Variants in PAM observed in about 807,000 individuals in gnomAD.
PAM encodes the protein peptidyl-glycine alpha-amidating monooxygenase.
In PAM, 72 loss-of-function variants were observed where a neutral mutation model predicts 122.1. The observed-to-expected ratio is 0.59, with a 90% CI of 0.49 to 0.72. PAM has a LOEUF of 0.72. Ranked by LOEUF, PAM falls within the 30% of genes least tolerant of loss-of-function variation. PAM has a pLI of 0.00. For synonymous variants in PAM, 389 were observed against 404.4 expected (o/e 0.96, Z 0.46); for missense variants, 1,106 against 1,183.7 (o/e 0.93, Z 0.96).
At chr5:102,953,881 C>T (rs1041958293) in intron 12 of PAM, among the ~76,000 whole-genome samples, 21 of 151,928 alleles carry the variant, frequency 1.4e-4, no homozygotes, top group African/African-American at 4.8e-4. Flanking sequence ...GGCATGATGG[C>T]GGATGCCCAT....
At chr5:102,830,206 G>A (rs1177350284) in intron 1 of PAM, among the ~76,000 whole-genome samples, 1 of 152,144 alleles carries the variant, frequency 6.6e-6, no homozygotes, top group Non-Finnish European at 1.5e-5. Flanking sequence ...ATTTATATCT[G>A]TACCTGCATT....
chr5:103,028,738 C>A (rs111487496), intron 25 of PAM, 149 bp from the exon 26 acceptor site: 1 of 588,126 alleles, frequency 1.7e-6, no homozygotes, highest in Non-Finnish European at 3.0e-6. Flanking sequence ...CTGTAGGATA[C>A]GTCTCTGTCT....
rs79989892 is a variant in PAM, at chr5:103,025,006, A to C, written c.2486-125A>C. ...GTAGATTCAGGTATTAAAACATGAA[A>C]CCCCTGTACACTGGAGTCAACAAGT... On this transcript the variant is annotated intron_variant, in intron 23 of 25. Coordinates refer to ENST00000438793, the MANE Select transcript of PAM (RefSeq NM_001177306.2). The C allele has an allele frequency of 3.7e-3, 2,368 of 633,602 alleles. 34 individuals carry two copies. In the African/African-American group the frequency reaches 0.037, roughly 10 times the overall value. 39.2% of individuals were successfully genotyped at this position (633,602 alleles called of 1,614,324 possible). A position where few individuals can be genotyped will look rare whatever the true frequency, so the allele number is the denominator to read the frequency against.
chr5:102,880,922 A>C (rs1163221613), intron 3 of PAM, among the ~76,000 whole-genome samples: 2 of 152,090 alleles, frequency 1.3e-5, no homozygotes, highest in Admixed American at 1.3e-4. Context: ...TTAAATGCCA[A>C]AAATTATGCA....
intron 1 of PAM, among the ~76,000 whole-genome samples, chr5:102,806,023 G>A (rs890416127): frequency 2.0e-5 from 3 of 151,826 alleles, no homozygotes; most frequent in East Asian, 3.9e-4. Context: ...TCTTATTTTC[G>A]GATGTGCTCT....
intron 6 of PAM, among the ~76,000 whole-genome samples, chr5:102,926,187 C>T (rs1314430457): frequency 2.0e-5 from 3 of 152,134 alleles, no homozygotes; most frequent in South Asian, 2.1e-4. Flanking sequence ...CTCCGCTTCC[C>T]GGGTTCACGC....
intron 1 of PAM, among the ~76,000 whole-genome samples, chr5:102,856,984 T>C (rs1453956118): frequency 6.6e-6 from 1 of 152,128 alleles, no homozygotes; most frequent in African/African-American, 2.4e-5. Flanking sequence ...AGCAACTTGG[T>C]ACACCTAAGT....
intron 1 of PAM, chr5:102,838,651 A>G (rs1580773441): frequency 6.6e-6 from 1 of 152,268 alleles, no homozygotes; most frequent in East Asian, 1.9e-4. Flanking sequence ...CTGTGAGTTC[A>G]GAGGGAATAG....
intron 15 of PAM, among the ~76,000 whole-genome samples, chr5:102,977,397 A>AACAAGAC (rs1355346766): frequency 1.3e-5 from 2 of 152,172 alleles, no homozygotes; most frequent in African/African-American, 4.8e-5. Context: ...CGTTCCCCAG[A>AACAAGAC]ACAAGACGGT....
intron 3 of PAM, among the ~76,000 whole-genome samples, chr5:102,896,494 C>G (rs1581445289): frequency 6.6e-6 from 1 of 151,592 alleles, no homozygotes. Context: ...TTCTAGAGCT[C>G]CCAGTATGTG....
chr5:102,934,678 AAGGTATTCAACTGAATAAAT>A (rs577116952), intron 7 of PAM, among the ~76,000 whole-genome samples: 8 of 152,270 alleles, frequency 5.3e-5, no homozygotes, highest in Non-Finnish European at 7.4e-5. Context: ...ATATTTTTGA[AAGGTATTCAACTGAATAAAT>A]CATGTACTCT....
rs577377022 is a variant in PAM at position 102,906,291 on chromosome 5, T to C, written c.268+4878T>C. On this transcript the variant is annotated intron_variant, in intron 4 of 25. Transcript: ENST00000438793. ...TTCATTCCCCCAACCTACCACCTCC[T>C]CCCAGCTAGCTATTTCAGCAGGAAC... is the stretch of plus-strand genomic sequence containing the variant. Among the ~76,000 whole-genome samples, 996 of 151,740 alleles carry C rather than the reference T, an allele frequency of 6.6e-3. 8 individuals carry two copies. Among genetic ancestry groups the C allele is most frequent in the Non-Finnish European group, 0.012 (830 of 67,716 alleles).
chr5:103,028,057 T>C (rs966138710), intron 24 of PAM, 128 bp from the exon 25 acceptor site: 3 of 693,830 alleles, frequency 4.3e-6, no homozygotes, highest in Non-Finnish European at 7.5e-6. Context: ...AAAATTAGAA[T>C]TGCATACAGA....
At chr5:102,769,112 G>A (rs1031092408) in intron 1 of PAM, among the ~76,000 whole-genome samples, 2 of 152,014 alleles carry the variant, frequency 1.3e-5, no homozygotes, top group African/African-American at 2.4e-5. Context: ...GATGTTGAGC[G>A]CCTTTTCATA....
At chr5:102,811,520 G>T (rs375107197) in intron 1 of PAM, among the ~76,000 whole-genome samples, 2 of 152,156 alleles carry the variant, frequency 1.3e-5, no homozygotes, top group Admixed American at 6.6e-5. Flanking sequence ...TAATCTAGGA[G>T]ACTCTCCCCG....
At chr5:102,855,902 T>C (rs1782506150) in intron 1 of PAM, among the ~76,000 whole-genome samples, 1 of 152,008 alleles carries the variant, frequency 6.6e-6, no homozygotes, top group Non-Finnish European at 1.5e-5. Flanking sequence ...AAGAAACTAG[T>C]AACACAAAGA....
chr5:102,945,705 C>T (rs1756825884), intron 7 of PAM, among the ~76,000 whole-genome samples: 1 of 152,086 alleles, frequency 6.6e-6, no homozygotes, highest in South Asian at 2.1e-4. Context: ...GTCTATCCAG[C>T]TGGCTTTTCC....
chr5:102,967,250 T>C (rs185278875), intron 14 of PAM, among the ~76,000 whole-genome samples: 18 of 152,290 alleles, frequency 1.2e-4, no homozygotes, highest in African/African-American at 4.1e-4. Flanking sequence ...CCATGTACTA[T>C]GCTGCATTCC....
At chr5:102,792,911 G>C (rs901124995) in intron 1 of PAM, among the ~76,000 whole-genome samples, 2 of 152,142 alleles carry the variant, frequency 1.3e-5, no homozygotes, top group African/African-American at 4.8e-5. Flanking sequence ...TCATACAGTA[G>C]CACGTAAGTT....
Sources: allele counts gnomAD v4.1 joint callset (sites outside exome capture counted in the v4.1 genomes callset), GRCh38; gene constraint gnomAD v4.1.1; transcripts MANE v1.5; gene names NCBI Gene and HGNC (gene_info 2026-07-23, HGNC 2026-07-21).